MEIG1: variants seen among roughly 807,000 people sequenced by gnomAD.
MEIG1 encodes meiosis expressed gene 1 protein homolog.
In MEIG1, 12 loss-of-function variants were observed where a neutral mutation model predicts 11.3. That is an observed-to-expected ratio of 1.07 (90% CI 0.68 to 1.73). MEIG1 has a LOEUF of 1.73. MEIG1 is among the 40% of genes most tolerant of loss of function. The probability of loss-of-function intolerance (pLI) is 0.00; values close to 1 mark genes in which losing one functional copy is unlikely to be tolerated. For missense variants in MEIG1, 119 were observed against 104.9 expected (o/e 1.13, Z -0.59); for synonymous variants, 41 against 33.2 (o/e 1.24, Z -0.81).
Position 14,972,569 on chromosome 10 carries a change from G to A in MEIG1, c.195G>A (p.Thr65=), listed in dbSNP as rs201275318. 1,879 of 1,613,878 alleles carry A rather than the reference G, an allele frequency of 1.2e-3. 42 individuals are homozygous for A. The South Asian group carries it at 0.02, about 17-fold the overall frequency. Residue 65 remains threonine (T), a synonymous_variant, in exon 3 of 3, where the codon ACG becomes ACA. Coordinates refer to ENST00000407572, the MANE Select transcript of MEIG1 (RefSeq NM_001080836.3). ...YVKKLQRRDN[T]FYYYNKQREC... ...AGAAACTTCAGAGAAGGGACAATAC[G>A]TTCTATTACTACAACAAACAGAGGG...
At chr10:14,970,722 GAC>G (rs1843139041) in intron 2 of MEIG1, among the ~76,000 whole-genome samples, 1 of 152,184 alleles carries the variant, frequency 6.6e-6, no homozygotes, top group South Asian at 2.1e-4. Context: ...GAAAGTAAAA[GAC>G]ATGTGGACAC....
upstream of MEIG1, chr10:14,954,567 C>T (rs1006399026): frequency 5.0e-6 from 1 of 201,378 alleles, no homozygotes; most frequent in African/African-American, 2.3e-5. Context: ...ATGGTAGATT[C>T]AGGAACTATT....
chr10:14,964,111 A>G (rs1231651588), intron 1 of MEIG1, among the ~76,000 whole-genome samples: 1 of 151,924 alleles, frequency 6.6e-6, no homozygotes, highest in East Asian at 1.9e-4. Flanking sequence ...AAAAAAAAAA[A>G]AAAAGAATAC....
downstream of MEIG1, among the ~76,000 whole-genome samples, chr10:14,973,555 G>A: frequency 6.6e-6 from 1 of 152,048 alleles, no homozygotes; most frequent in East Asian, 1.9e-4. Flanking sequence ...GAATCATGAG[G>A]TCAGGAAATC....
At chr10:14,970,262 C>T (rs1490797644) in intron 2 of MEIG1, 2 of 152,138 alleles carry the variant, frequency 1.3e-5, no homozygotes, top group East Asian at 3.9e-4. Flanking sequence ...GAAAGTTTCC[C>T]AGATCAAATG....
At chr10:14,986,376 C>T (rs536059425) in intron 1 of MEIG1, among the ~76,000 whole-genome samples, 1 of 152,244 alleles carries the variant, frequency 6.6e-6, no homozygotes, top group African/African-American at 2.4e-5. Flanking sequence ...AAGAGAAGAC[C>T]TTAAAAACCA....
At chr10:14,984,681 T>A (rs1843300636) in intron 1 of MEIG1, among the ~76,000 whole-genome samples, 2 of 152,260 alleles carry the variant, frequency 1.3e-5, no homozygotes, top group East Asian at 1.9e-4. Context: ...ACTCCTCTTA[T>A]CACAGAGGGT....
At chr10:14,976,040 T>G (rs61072556), downstream of MEIG1, among the ~76,000 whole-genome samples, 3,165 of 152,208 alleles carry the variant, frequency 0.021, 101 homozygotes, top group African/African-American at 0.067. Flanking sequence ...GATCCTAATA[T>G]CCAGGGGGGG....
At chr10:14,957,270 G>A (rs1422973775), upstream of MEIG1, among the ~76,000 whole-genome samples, 1 of 152,130 alleles carries the variant, frequency 6.6e-6, no homozygotes, top group East Asian at 1.9e-4. Flanking sequence ...CTTGTCCAGG[G>A]TCATGTTGAT....
intron 1 of MEIG1, among the ~76,000 whole-genome samples, chr10:14,983,139 T>C (rs12241746): frequency 0.12 from 18,922 of 152,008 alleles, 1,331 homozygotes; most frequent in Middle Eastern, 0.23. Context: ...ATATTACGTT[T>C]AATATCGCAG....
chr10:14,981,910 G>C (rs1446654257), intron 1 of MEIG1, among the ~76,000 whole-genome samples: 1 of 152,104 alleles, frequency 6.6e-6, no homozygotes, highest in South Asian at 2.1e-4. Flanking sequence ...CGTTTCCCCG[G>C]GCCTGACCTC....
intron 1 of MEIG1, among the ~76,000 whole-genome samples, chr10:14,964,604 T>C (rs1325642180): frequency 3.3e-4 from 35 of 105,004 alleles, no homozygotes; most frequent in African/African-American, 1.3e-3. Flanking sequence ...TATATATATA[T>C]ATATACACAC....
chr10:14,987,723 G>T lies in MEIG1; in HGVS notation n.286-65G>T, dbSNP rs891384194. 1.7e-5 allele frequency: 4 copies of T among 240,406 alleles called. No individual in the cohort carries two copies. The South Asian group carries it at 2.4e-4, about 15-fold the overall frequency. The allele number at this position is 240,406 out of a possible 1,614,324, so 14.9% of individuals were successfully genotyped here. On this transcript the variant is annotated intron_variant and non_coding_transcript_variant, in intron 2 of 2. Transcript: ENST00000467536. Reference sequence around the variant, plus strand: ...CGTATATAACAAATCCGTGATCTCCGTAAAATACGGCCTACTCTTTTCAGA... The same window carrying T: ...CGTATATAACAAATCCGTGATCTCCTTAAAATACGGCCTACTCTTTTCAGA...
chr10:14,987,079 AT>A (rs1843325797), intron 2 of MEIG1: 1 of 643,858 alleles, frequency 1.6e-6, no homozygotes, highest in Non-Finnish European at 2.7e-6. Flanking sequence ...GTCATAGGCC[AT>A]CACAGTCAGG....
At chr10:14,956,917 G>C (rs1842958641), upstream of MEIG1, among the ~76,000 whole-genome samples, 1 of 152,134 alleles carries the variant, frequency 6.6e-6, no homozygotes, top group African/African-American at 2.4e-5. Flanking sequence ...AATTAGCCGG[G>C]TGTGGTGGTA....
chr10:14,988,036 A>G (rs1843335969), exon 3 of MEIG1: 2 of 152,590 alleles, frequency 1.3e-5, no homozygotes, highest in Admixed American at 6.5e-5. Flanking sequence ...ATAAAAGTAC[A>G]TGCACACTTA....
intron 1 of MEIG1, among the ~76,000 whole-genome samples, chr10:14,981,600 G>T (rs374335918): frequency 6.6e-6 from 1 of 152,064 alleles, no homozygotes; most frequent in African/African-American, 2.4e-5. Flanking sequence ...CTCTACCCCC[G>T]ACAGTCATTC....
At chr10:14,962,047 C>T (rs1046007639) in intron 1 of MEIG1, among the ~76,000 whole-genome samples, 2 of 152,132 alleles carry the variant, frequency 1.3e-5, no homozygotes, top group Non-Finnish European at 2.9e-5. Context: ...AAAGGATCCT[C>T]CCTCCTCAGT....
At chr10:14,975,916 T>G (rs866889866), downstream of MEIG1, among the ~76,000 whole-genome samples, 2 of 152,270 alleles carry the variant, frequency 1.3e-5, no homozygotes, top group Middle Eastern at 3.4e-3. Context: ...GGGAAGAGGA[T>G]GCTATTACTG....
Sources: gnomAD v4.1 joint callset for allele counts (sites outside exome capture counted in the v4.1 genomes callset) on GRCh38, gnomAD v4.1.1 for gene constraint, MANE v1.5 for transcripts, NCBI Gene and HGNC (gene_info 2026-07-23, HGNC 2026-07-21) for gene names.